The following MGAT4C variants were observed in gnomAD, a reference collection of about 807,000 sequenced individuals.
The protein encoded by MGAT4C is alpha-1,3-mannosyl-glycoprotein 4-beta-N-acetylglucosaminyltransferase C.
Under a neutral mutation model 40.1 loss-of-function variants are expected in MGAT4C, and 19 were observed. The ratio of observed to expected loss-of-function variants is 0.47; its 90% CI spans 0.33 to 0.70. The LOEUF (loss-of-function observed/expected upper bound fraction) is 0.70, where lower values mean the gene tolerates loss of function less well. Among genes scored for constraint, MGAT4C ranks in the 30% least tolerant of loss-of-function variants. The pLI is 0.02. For synonymous variants in MGAT4C, 181 were observed against 187.1 expected (o/e 0.97, Z 0.27); for missense variants, 491 against 563.2 (o/e 0.87, Z 1.30).
intron 3 of MGAT4C, among the ~76,000 whole-genome samples, chr12:86,354,812 T>C (rs946844650): frequency 3.3e-5 from 5 of 152,180 alleles, no homozygotes; most frequent in African/African-American, 9.7e-5. Context: ...TCTCACTGAC[T>C]TCAAGAATGG....
At chr12:86,106,377 T>C (rs1230014389) in intron 1 of MGAT4C, among the ~76,000 whole-genome samples, 1 of 152,064 alleles carries the variant, frequency 6.6e-6, no homozygotes, top group Non-Finnish European at 1.5e-5. Flanking sequence ...CCCGGCTCAC[T>C]GCAAACTCCG....
intron 2 of MGAT4C, among the ~76,000 whole-genome samples, chr12:86,589,824 C>T (rs574413412): frequency 2.0e-5 from 3 of 151,748 alleles, no homozygotes; most frequent in Non-Finnish European, 4.4e-5. Context: ...TCTCAATAGG[C>T]TCCATGTTTT....
chr12:86,760,415 A>G (rs1021557657), intron 1 of MGAT4C, among the ~76,000 whole-genome samples: 1 of 152,008 alleles, frequency 6.6e-6, no homozygotes, highest in Non-Finnish European at 1.5e-5. Context: ...AGCTTTTCCA[A>G]GTAGCAAACA....
chr12:86,778,518 C>A (rs1951780678), intron 1 of MGAT4C, among the ~76,000 whole-genome samples: 2 of 152,084 alleles, frequency 1.3e-5, no homozygotes, highest in South Asian at 4.1e-4. Flanking sequence ...TCAAAATGAG[C>A]AAAGATGGCC....
intron 1 of MGAT4C, among the ~76,000 whole-genome samples, chr12:86,060,980 C>T (rs1893900252): frequency 6.6e-6 from 1 of 151,980 alleles, no homozygotes; most frequent in African/African-American, 2.4e-5. Flanking sequence ...TTTTTCATCC[C>T]CAATATGGGC....
chr12:86,664,563 T>A (rs1964056628), intron 2 of MGAT4C, among the ~76,000 whole-genome samples: 1 of 152,168 alleles, frequency 6.6e-6, no homozygotes, highest in Non-Finnish European at 1.5e-5. Flanking sequence ...TTAGGGACCA[T>A]CTGTAGTTAA....
chr12:85,988,119 A>G (rs182657221), intron 3 of MGAT4C, among the ~76,000 whole-genome samples: 3 of 152,320 alleles, frequency 2.0e-5, no homozygotes, highest in Admixed American at 1.3e-4. Context: ...TGCCTAAATC[A>G]TACCTACTCA....
intron 3 of MGAT4C, among the ~76,000 whole-genome samples, chr12:86,431,339 T>A (rs1461452491): frequency 6.6e-6 from 1 of 152,016 alleles, no homozygotes; most frequent in Non-Finnish European, 1.5e-5. Flanking sequence ...TTGCCTAGAG[T>A]TCCCTGTGAG....
At chr12:86,269,361 AT>A (rs1262975671) in intron 4 of MGAT4C, among the ~76,000 whole-genome samples, 2 of 149,734 alleles carry the variant, frequency 1.3e-5, no homozygotes, top group South Asian at 2.1e-4. Flanking sequence ...AGTAAAGTTT[AT>A]TTTTTTTTCT....
chr12:86,028,345 G>C (rs2136894409), intron 2 of MGAT4C: 1 of 358,412 alleles, frequency 2.8e-6, no homozygotes, highest in South Asian at 2.3e-5. Flanking sequence ...TCATGGCAGG[G>C]CAAGTGATGC....
At chr12:86,665,461 C>A (rs1475847649) in intron 2 of MGAT4C, among the ~76,000 whole-genome samples, 3 of 151,784 alleles carry the variant, frequency 2.0e-5, no homozygotes, top group African/African-American at 7.3e-5. Context: ...ACTGCAAGTT[C>A]CGCTTCCTGG....
At chr12:86,277,243 T>C (rs933339596) in intron 4 of MGAT4C, among the ~76,000 whole-genome samples, 3 of 152,212 alleles carry the variant, frequency 2.0e-5, no homozygotes, top group African/African-American at 4.8e-5. Flanking sequence ...TTTATTCAGA[T>C]CTTTTGCCCA....
chr12:86,187,520 T>C (rs914533285), intron 1 of MGAT4C, among the ~76,000 whole-genome samples: 1 of 152,030 alleles, frequency 6.6e-6, no homozygotes, highest in Non-Finnish European at 1.5e-5. Flanking sequence ...ATTGGTATAA[T>C]AGTTTTTAGA....
At chr12:86,642,722 A>G (rs1963427115) in intron 2 of MGAT4C, among the ~76,000 whole-genome samples, 2 of 151,658 alleles carry the variant, frequency 1.3e-5, no homozygotes, top group African/African-American at 4.8e-5. Flanking sequence ...TCCTAATTAG[A>G]TTACATTGCT....
At chr12:86,051,775 A>G (rs996720340) in intron 1 of MGAT4C, among the ~76,000 whole-genome samples, 4 of 151,192 alleles carry the variant, frequency 2.6e-5, no homozygotes, top group African/African-American at 9.7e-5. Context: ...TCTAATTAGT[A>G]TTAGATAGAA....
Position 86,106,574 on chromosome 12 carries a change from G to A in MGAT4C, c.-56-56851C>T, listed in dbSNP as rs185617941. On this transcript the variant is annotated intron_variant, in intron 1 of 4. Transcript: ENST00000611864. ...CTCGTCTCAGCCTCCTAAACTGTTG[G>A]GATTATAGGCGTGAGCCATGGCACC... 5.7e-4 allele frequency among the ~76,000 whole-genome samples: 87 copies of A among 152,242 alleles called. 1 individual carries two copies. The highest frequency in any genetic ancestry group is 2.0e-3 in the African/African-American group (85 of 41,556).
At chr12:86,589,045 C>A (rs892919501) in intron 2 of MGAT4C, among the ~76,000 whole-genome samples, 7 of 150,020 alleles carry the variant, frequency 4.7e-5, no homozygotes, top group Non-Finnish European at 8.9e-5. Flanking sequence ...CAAGAAATAA[C>A]TAAAATCAGA....
At chr12:86,034,386 T>G (rs1891030387) in intron 2 of MGAT4C, among the ~76,000 whole-genome samples, 1 of 149,364 alleles carries the variant, frequency 6.7e-6, no homozygotes, top group Admixed American at 6.8e-5. Flanking sequence ...AGTCATGGGC[T>G]TTTTCTGATT....
chr12:86,591,235 C>T (rs996440993), intron 2 of MGAT4C, among the ~76,000 whole-genome samples: 6 of 152,038 alleles, frequency 3.9e-5, no homozygotes, highest in Middle Eastern at 3.4e-3. Flanking sequence ...CTACTATAGC[C>T]TCCTTAAGAT....
Sources: gnomAD v4.1 joint callset for allele counts (sites outside exome capture counted in the v4.1 genomes callset) on GRCh38, gnomAD v4.1.1 for gene constraint, MANE v1.5 for transcripts, NCBI Gene and HGNC (gene_info 2026-07-23, HGNC 2026-07-21) for gene names.